CDH18: variants seen among roughly 807,000 people sequenced by gnomAD.
The protein encoded by CDH18 is cadherin-18.
Under a neutral mutation model 67.9 loss-of-function variants are expected in CDH18, and 31 were observed. That is an observed-to-expected ratio of 0.46 (90% CI 0.34 to 0.62). CDH18 has a LOEUF of 0.62. Ranked by LOEUF, CDH18 falls within the 20% of genes least tolerant of loss-of-function variation. The pLI, the probability that CDH18 is intolerant of heterozygous loss-of-function variation, is 0.01. For synonymous variants in CDH18, 362 were observed against 347.2 expected (o/e 1.04, Z -0.48); for missense variants, 890 against 975.5 (o/e 0.91, Z 1.17).
chr5:20,166,151 A>G (rs1473419491), intron 2 of CDH18, among the ~76,000 whole-genome samples: 1 of 152,030 alleles, frequency 6.6e-6, no homozygotes, highest in African/African-American at 2.4e-5. Flanking sequence ...ATAGAAAATA[A>G]AAGCTCTGGC....
intron 1 of CDH18, among the ~76,000 whole-genome samples, chr5:20,388,607 C>T (rs1046460038): frequency 2.0e-5 from 3 of 152,062 alleles, no homozygotes; most frequent in Non-Finnish European, 4.4e-5. Context: ...ATGCCTTCTG[C>T]TAGCTTTTGA....
chr5:20,193,477 C>A (rs1481162943), intron 2 of CDH18, among the ~76,000 whole-genome samples: 1 of 151,960 alleles, frequency 6.6e-6, no homozygotes, highest in Non-Finnish European at 1.5e-5. Flanking sequence ...TAGGATCAAG[C>A]AGATTCACAG....
intron 2 of CDH18, among the ~76,000 whole-genome samples, chr5:19,953,830 TA>T (rs1257689674): frequency 6.6e-6 from 1 of 152,084 alleles, no homozygotes; most frequent in Non-Finnish European, 1.5e-5. Flanking sequence ...TTTCCTGCTT[TA>T]ATTTTTTTCT....
At chr5:20,036,425 A>C (rs953180530) in intron 2 of CDH18, among the ~76,000 whole-genome samples, 2 of 152,012 alleles carry the variant, frequency 1.3e-5, no homozygotes, top group African/African-American at 4.8e-5. Context: ...AAGGAGAAGG[A>C]GTGAAAAAAA....
At chr5:20,179,887 C>T (rs1009668687) in intron 2 of CDH18, among the ~76,000 whole-genome samples, 16 of 152,044 alleles carry the variant, frequency 1.1e-4, no homozygotes, top group African/African-American at 3.9e-4. Flanking sequence ...GGGCAGCCCT[C>T]TGTAAAACAA....
At chr5:20,291,050 A>G (rs1747067345) in intron 1 of CDH18, among the ~76,000 whole-genome samples, 1 of 152,140 alleles carries the variant, frequency 6.6e-6, no homozygotes, top group Non-Finnish European at 1.5e-5. Context: ...GAGTGATTAT[A>G]AGAATGAAGC....
intron 2 of CDH18, among the ~76,000 whole-genome samples, chr5:20,017,343 A>G (rs1263370896): frequency 1.3e-5 from 2 of 152,130 alleles, no homozygotes; most frequent in Non-Finnish European, 2.9e-5. Context: ...CTTCTAAAAA[A>G]GGGTCAAATT....
chr5:20,128,507 C>A (rs527348073), intron 2 of CDH18, among the ~76,000 whole-genome samples: 1 of 152,028 alleles, frequency 6.6e-6, no homozygotes, highest in Non-Finnish European at 1.5e-5. Flanking sequence ...GTTTCCTTGG[C>A]ATAAATCAAT....
At chr5:20,405,800 G>C (rs1746196548) in intron 1 of CDH18, among the ~76,000 whole-genome samples, 1 of 152,180 alleles carries the variant, frequency 6.6e-6, no homozygotes, top group Non-Finnish European at 1.5e-5. Context: ...CTGAAAAGAA[G>C]ACATTTATGC....
intron 2 of CDH18, among the ~76,000 whole-genome samples, chr5:20,059,421 G>A (rs375930699): frequency 6.6e-6 from 1 of 152,084 alleles, no homozygotes; most frequent in African/African-American, 2.4e-5. Flanking sequence ...TGTGATGTTA[G>A]GGTATCAATT....
At chr5:20,009,683 G>T (rs1372341215) in intron 2 of CDH18, among the ~76,000 whole-genome samples, 1 of 152,126 alleles carries the variant, frequency 6.6e-6, no homozygotes, top group South Asian at 2.1e-4. Flanking sequence ...TAACAGGAGA[G>T]CAAGGGAAGG....
At chr5:20,122,821 TATATATAC>T (rs1171009918) in intron 2 of CDH18, among the ~76,000 whole-genome samples, 1 of 147,960 alleles carries the variant, frequency 6.8e-6, no homozygotes, top group Non-Finnish European at 1.5e-5. Context: ...TATATATATA[TATATATAC>T]ATATATATAT....
chr5:20,052,404 G>C (rs1741508941), intron 2 of CDH18, among the ~76,000 whole-genome samples: 1 of 151,998 alleles, frequency 6.6e-6, no homozygotes, highest in Non-Finnish European at 1.5e-5. Context: ...ATCAGTAATG[G>C]GTACTAGCAG....
At chr5:20,256,442 C>T (rs1451858553) in intron 1 of CDH18, among the ~76,000 whole-genome samples, 1 of 152,096 alleles carries the variant, frequency 6.6e-6, no homozygotes, top group East Asian at 1.9e-4. Context: ...CAAACAGATG[C>T]CTCAAATACT....
At position 19,573,221 on chromosome 5, in the gene CDH18, T is replaced by TATCA. The variant is rs560868243; in HGVS notation, c.1000-1393_1000-1390dup. ...GGAGTTGCTTCTGAAGTTTATGACC[T>TATCA]ATCACACTAGAAATAAATTGCCAAA... On this transcript the variant is annotated intron_variant, in intron 7 of 12. Transcript: ENST00000382275. Among the ~76,000 whole-genome samples the TATCA allele has an allele frequency of 2.7e-3, 407 of 152,264 alleles. 1 individual carries two copies. Among genetic ancestry groups the TATCA allele is most frequent in the Non-Finnish European group, 4.9e-3 (332 of 68,022 alleles).
At chr5:19,645,677 G>A (rs1754635709) in intron 5 of CDH18, among the ~76,000 whole-genome samples, 1 of 152,114 alleles carries the variant, frequency 6.6e-6, no homozygotes, top group Non-Finnish European at 1.5e-5. Context: ...AATCAGTGCT[G>A]AATAAGCACG....
Position 20,277,202 on chromosome 5 carries a change from C to G in CDH18, c.-579-21697G>C, listed in dbSNP as rs114965556. On this transcript the variant is annotated intron_variant, in intron 1 of 14. Transcript: ENST00000507958. ...GGTTACTGCAGGCCTTCGGTGAGAACCAGAACTGTGCTGTCTTCAAGATTC... is the reference window on the plus strand; with the variant it reads ...GGTTACTGCAGGCCTTCGGTGAGAAGCAGAACTGTGCTGTCTTCAAGATTC... 1.0e-3 allele frequency among the ~76,000 whole-genome samples: 155 copies of G among 152,214 alleles called. 1 individual carries two copies. Among genetic ancestry groups the G allele is most frequent in the African/African-American group, 3.6e-3 (149 of 41,554 alleles).
intron 7 of CDH18, among the ~76,000 whole-genome samples, chr5:19,580,067 T>C (rs913743449): frequency 6.6e-6 from 1 of 151,840 alleles, no homozygotes; most frequent in African/African-American, 2.4e-5. Context: ...TTACGGGGTA[T>C]GGGATAAAAT....
chr5:20,391,366 T>C (rs1744843464), intron 1 of CDH18, among the ~76,000 whole-genome samples: 1 of 151,776 alleles, frequency 6.6e-6, no homozygotes, highest in African/African-American at 2.4e-5. Context: ...ATCTAAAAAT[T>C]AGGAATGCTA....
Sources: gnomAD v4.1 joint callset for allele counts (sites outside exome capture counted in the v4.1 genomes callset) on GRCh38, gnomAD v4.1.1 for gene constraint, MANE v1.5 for transcripts, NCBI Gene and HGNC (gene_info 2026-07-23, HGNC 2026-07-21) for gene names.